Variants in USP47 observed in about 807,000 individuals in gnomAD.
USP47 encodes ubiquitin specific peptidase 47, also known as ubiquitin carboxyl-terminal hydrolase 47.
In USP47, 35 loss-of-function variants were observed where a neutral mutation model predicts 165.1. The ratio of observed to expected loss-of-function variants is 0.21; its 90% CI spans 0.16 to 0.28. USP47 has a LOEUF of 0.28. Among genes scored for constraint, USP47 ranks in the 10% least tolerant of loss-of-function variants. USP47 has a pLI of 1.00. For missense variants in USP47, 1,277 were observed against 1,607.4 expected (o/e 0.79, Z 3.52); for synonymous variants, 531 against 544.5 (o/e 0.98, Z 0.35).
At chr11:11,858,112 C>T (rs1348314273) in intron 1 of USP47, among the ~76,000 whole-genome samples, 1 of 152,184 alleles carries the variant, frequency 6.6e-6, no homozygotes, top group East Asian at 1.9e-4. Flanking sequence ...TGGTGCAGTT[C>T]CCATTAGTGG....
chr11:11,956,017 T>A lies in USP47; in HGVS notation c.3910T>A (p.Leu1304Ile), dbSNP rs761047419. 30 of 1,571,514 alleles carry A rather than the reference T, an allele frequency of 1.9e-5. No individual in the cohort carries two copies. The highest frequency in any genetic ancestry group is 2.5e-5 in the Non-Finnish European group (29 of 1,164,840). Residue 1304 changes from leucine (L) to isoleucine (I), a missense_variant, in exon 28 of 28, where the codon TTA (leucine) becomes ATA (isoleucine). By Grantham distance (5) the Leu-to-Ile change is conservative. Coordinates refer to ENST00000527733, the MANE Select transcript of USP47 (RefSeq NM_001282659.2). ...VIFYRDKTEE[L>I]MELTDEQRNE... is the part of the protein sequence containing the mutation. ...TATATGTAGGGATAAAACAGAAGAA[T>A]TAATGGAATTGACAGATGAGCAAAG...
chr11:11,933,690 GAGAA>G, intron 15 of USP47, 137 bp from the exon 16 acceptor site: 2 of 576,596 alleles, frequency 3.5e-6, no homozygotes, highest in Non-Finnish European at 6.0e-6. Context: ...ATTACTAAGT[GAGAA>G]AGAATAGATA....
intron 8 of USP47, among the ~76,000 whole-genome samples, chr11:11,912,454 C>T (rs907132437): frequency 1.5e-4 from 23 of 151,962 alleles, no homozygotes; most frequent in African/African-American, 2.2e-4. Context: ...TTAGATAAAA[C>T]GAACCAATTC....
At chr11:11,883,480 T>TA (rs774443613) in intron 2 of USP47, among the ~76,000 whole-genome samples, 13 of 152,298 alleles carry the variant, frequency 8.5e-5, no homozygotes, top group Non-Finnish European at 1.6e-4. Context: ...CAGAATCTCT[T>TA]ACAGTTAATT....
chr11:11,936,472 G>C lies in USP47; in HGVS notation c.2039G>C (p.Arg680Thr). The C allele has an allele frequency of 6.3e-7, 1 of 1,598,758 alleles. No homozygotes were observed. The highest frequency in any genetic ancestry group is 1.1e-5 in the South Asian group (1 of 89,118). Reference sequence around the variant, plus strand: ...ATGTTTGATCTGCTGTTGGAGACGAGAAAGCCTGATCAGGTTTTCCAATCT... The same window carrying C: ...ATGTTTGATCTGCTGTTGGAGACGACAAAGCCTGATCAGGTTTTCCAATCT... Reference protein sequence around the residue: ...TYMFDLLLETRKPDQVFQSYK... With the variant: ...TYMFDLLLETTKPDQVFQSYK... The change falls in exon 17 of 28, where the codon AGA (arginine) becomes ACA (threonine). Residue 680 changes from arginine to threonine, a missense_variant. Arg to Thr is a moderately conservative substitution (Grantham distance 71). Coordinates refer to ENST00000527733, the MANE Select transcript of USP47 (RefSeq NM_001282659.2).
intron 1 of USP47, among the ~76,000 whole-genome samples, chr11:11,878,270 C>T (rs532771670): frequency 2.0e-5 from 3 of 152,206 alleles, no homozygotes; most frequent in African/African-American, 7.2e-5. Context: ...AAATTCTTAG[C>T]GTTGTCTTCC....
chr11:11,865,900 A>G (rs1289352976), intron 1 of USP47, among the ~76,000 whole-genome samples: 1 of 152,026 alleles, frequency 6.6e-6, no homozygotes, highest in Non-Finnish European at 1.5e-5. Context: ...ATGTTATAAG[A>G]ATTCTTTATA....
At chr11:11,875,056 TGTGTGTGTGTGTGTGTGTGTG>T (rs1850313252) in intron 1 of USP47, among the ~76,000 whole-genome samples, 1 of 151,202 alleles carries the variant, frequency 6.6e-6, no homozygotes, top group Non-Finnish European at 1.5e-5. Flanking sequence ...TGTGTGTGTG[TGTGTGTGTGTGTGTGTGTGTG>T]TGTGTTTAAA....
At chr11:11,919,916 G>A (rs1323268416) in intron 8 of USP47, among the ~76,000 whole-genome samples, 2 of 151,798 alleles carry the variant, frequency 1.3e-5, no homozygotes, top group Non-Finnish European at 3.0e-5. Context: ...AGGTTGAAAT[G>A]ACTGTGATAC....
chr11:11,899,977 A>G (rs977916567), intron 5 of USP47, among the ~76,000 whole-genome samples: 1 of 152,092 alleles, frequency 6.6e-6, no homozygotes, highest in African/African-American at 2.4e-5. Context: ...GCCACAGAGT[A>G]GCACTAGCGT....
chr11:11,844,672 A>G (rs1479124528), intron 1 of USP47, among the ~76,000 whole-genome samples: 1 of 152,186 alleles, frequency 6.6e-6, no homozygotes, highest in East Asian at 1.9e-4. Context: ...TAAATGGCAA[A>G]TTAAAAAATT....
chr11:11,873,077 G>A (rs1850173984), intron 1 of USP47, among the ~76,000 whole-genome samples: 1 of 151,980 alleles, frequency 6.6e-6, no homozygotes, highest in Non-Finnish European at 1.5e-5. Context: ...TGAGATGAGA[G>A]CAATGGTGGC....
intron 8 of USP47, among the ~76,000 whole-genome samples, chr11:11,917,704 T>G (rs1465060809): frequency 2.0e-5 from 3 of 151,958 alleles, no homozygotes; most frequent in Non-Finnish European, 4.4e-5. Flanking sequence ...AATGCAAAAG[T>G]AACTGTAGAA....
intron 1 of USP47, among the ~76,000 whole-genome samples, chr11:11,853,470 A>G (rs1031691187): frequency 2.0e-5 from 3 of 152,192 alleles, no homozygotes; most frequent in Non-Finnish European, 4.4e-5. Context: ...ACTGACAAAA[A>G]ATGATGTGAT....
Position 11,909,851 on chromosome 11 carries a change from G to A in USP47, c.969+4303G>A, listed in dbSNP as rs75291322. Among the ~76,000 whole-genome samples the A allele has an allele frequency of 4.9e-3, 740 of 152,262 alleles. 6 individuals are homozygous for A. The highest frequency in any genetic ancestry group is 0.017 in the African/African-American group (719 of 41,548). On this transcript the variant is annotated intron_variant, in intron 8 of 27. Transcript: ENST00000527733. The stretch of plus-strand genomic sequence containing the variant: ...TTTTGAATGGAAAATTGTGAAATTA[G>A]TAAGTGTGAAATCAAAAGCATTTCA...
chr11:11,848,956 TA>T (rs1848581589), intron 1 of USP47, among the ~76,000 whole-genome samples: 1 of 151,934 alleles, frequency 6.6e-6, no homozygotes, highest in Admixed American at 6.6e-5. Flanking sequence ...CAGTTTAAGA[TA>T]TTTTTCAGTT....
chr11:11,876,595 G>C (rs1850434497), intron 1 of USP47, among the ~76,000 whole-genome samples: 1 of 152,104 alleles, frequency 6.6e-6, no homozygotes, highest in Non-Finnish European at 1.5e-5. Flanking sequence ...GAATTACTTG[G>C]CTCCATTAAG....
At chr11:11,895,202 T>A (rs539327095) in intron 4 of USP47, among the ~76,000 whole-genome samples, 9 of 152,304 alleles carry the variant, frequency 5.9e-5, no homozygotes, top group African/African-American at 2.2e-4. Flanking sequence ...AGTTGAAGTT[T>A]ACTTAAAAAA....
At position 11,943,012 on chromosome 11, in the gene USP47, T is replaced by C. The variant is rs966687129; in HGVS notation, c.2991T>C (p.Ser997=). The C allele has an allele frequency of 6.2e-7, 1 of 1,613,500 alleles. No homozygotes were observed. ...DTAEEDSGTD[S]EYDESGKSRG... is the part of the protein sequence containing the mutation. ...CAGAAGAAGACTCTGGAACTGATAGTGAATATGATGAGAGTGGCAAGAGTA... is the reference window on the plus strand; with the variant it reads ...CAGAAGAAGACTCTGGAACTGATAGCGAATATGATGAGAGTGGCAAGAGTA... Residue 997 remains serine, a synonymous_variant, in exon 20 of 28, where the codon AGT becomes AGC. Coordinates refer to ENST00000527733, the MANE Select transcript of USP47 (RefSeq NM_001282659.2).
Sources: gnomAD v4.1 joint callset for allele counts (sites outside exome capture counted in the v4.1 genomes callset) on GRCh38, gnomAD v4.1.1 for gene constraint, MANE v1.5 for transcripts, NCBI Gene and HGNC (gene_info 2026-07-23, HGNC 2026-07-21) for gene names.